Variants in ZBTB8A observed in about 807,000 individuals in gnomAD.
ZBTB8A encodes the protein zinc finger and BTB domain containing 8A.
A neutral mutation model predicts 37.8 loss-of-function variants in ZBTB8A; 19 were observed. The observed-to-expected ratio is 0.50, with a 90% CI of 0.35 to 0.74. The LOEUF (loss-of-function observed/expected upper bound fraction) is 0.74, where lower values mean the gene tolerates loss of function less well. Ranked by LOEUF, ZBTB8A falls within the 30% of genes least tolerant of loss-of-function variation. The pLI, the probability that ZBTB8A is intolerant of heterozygous loss-of-function variation, is 0.01. For missense variants in ZBTB8A, 394 were observed against 537.8 expected, an observed-to-expected ratio of 0.73 and a Z score of 2.65; for synonymous variants, 181 against 185.2, an observed-to-expected ratio of 0.98 and a Z score of 0.19.
At chr1:32,567,306 G>C (rs1457922655) in intron 2 of ZBTB8A, among the ~76,000 whole-genome samples, 1 of 152,138 alleles carries the variant, frequency 6.6e-6, no homozygotes, top group African/African-American at 2.4e-5. Context: ...GCATGATCCA[G>C]TCACATTCCA....
chr1:32,546,611 A>G (rs1456425655), intron 1 of ZBTB8A, among the ~76,000 whole-genome samples: 2 of 152,208 alleles, frequency 1.3e-5, no homozygotes, highest in African/African-American at 2.4e-5. Context: ...ACTGCACTCC[A>G]GGCTGGTGGG....
At chr1:32,596,705 C>T (rs961590173) in intron 4 of ZBTB8A, among the ~76,000 whole-genome samples, 2 of 152,114 alleles carry the variant, frequency 1.3e-5, no homozygotes, top group African/African-American at 4.8e-5. Flanking sequence ...TTACTTTGCA[C>T]GTAAAGCATA....
chr1:32,559,988 T>C (rs993807901), intron 2 of ZBTB8A, among the ~76,000 whole-genome samples: 2 of 152,186 alleles, frequency 1.3e-5, no homozygotes, highest in African/African-American at 4.8e-5. Context: ...CTCACAGTTC[T>C]GCAGGCTGTA....
intron 1 of ZBTB8A, among the ~76,000 whole-genome samples, chr1:32,549,591 A>G (rs1238566889): frequency 6.6e-6 from 1 of 152,104 alleles, no homozygotes; most frequent in Non-Finnish European, 1.5e-5. Context: ...ACTAACTGCT[A>G]TAGGCCATGC....
intron 2 of ZBTB8A, among the ~76,000 whole-genome samples, chr1:32,567,180 A>C (rs1644286263): frequency 6.6e-6 from 1 of 152,128 alleles, no homozygotes; most frequent in South Asian, 2.1e-4. Context: ...AAGCAGGCCC[A>C]TCCTACATGT....
intron 2 of ZBTB8A, among the ~76,000 whole-genome samples, chr1:32,586,478 TAGG>T (rs1165550525): frequency 2.0e-5 from 3 of 152,074 alleles, no homozygotes; most frequent in Admixed American, 1.3e-4. Context: ...TACATTTTAG[TAGG>T]AGAAGACAGA....
At chr1:32,584,787 C>T (rs936438773) in intron 2 of ZBTB8A, among the ~76,000 whole-genome samples, 7 of 150,368 alleles carry the variant, frequency 4.7e-5, no homozygotes, top group East Asian at 2.0e-4. Context: ...CCCAAAGTGC[C>T]GCGATTAGAG....
At chr1:32,550,957 C>CAAA (rs530419945) in intron 1 of ZBTB8A, among the ~76,000 whole-genome samples, 1 of 69,176 alleles carries the variant, frequency 1.4e-5, no homozygotes, top group Admixed American at 1.6e-4. Flanking sequence ...GACTCCGTCT[C>CAAA]AAAAAAAAAA....
At chr1:32,596,348 C>T (rs1205112506) in intron 4 of ZBTB8A, among the ~76,000 whole-genome samples, 17 of 141,634 alleles carry the variant, frequency 1.2e-4, no homozygotes, top group Admixed American at 7.2e-4. Flanking sequence ...CCAGCCTGGG[C>T]GACTGAGCGA....
At chr1:32,560,129 A>G (rs1415090791) in intron 2 of ZBTB8A, among the ~76,000 whole-genome samples, 1 of 152,038 alleles carries the variant, frequency 6.6e-6, no homozygotes, top group Non-Finnish European at 1.5e-5. Flanking sequence ...ATTTTCACAC[A>G]ACCAGATCTC....
chr1:32,544,845 T>C (rs1350188399), intron 1 of ZBTB8A, among the ~76,000 whole-genome samples: 1 of 152,252 alleles, frequency 6.6e-6, no homozygotes, highest in East Asian at 1.9e-4. Context: ...ATTCTTTTTA[T>C]GGCCGAGTTA....
At chr1:32,597,355 T>C (rs756428656) in intron 4 of ZBTB8A, among the ~76,000 whole-genome samples, 3 of 152,210 alleles carry the variant, frequency 2.0e-5, no homozygotes, top group Non-Finnish European at 4.4e-5. Context: ...TGGTTTATTA[T>C]GTTTGGATCC....
At chr1:32,583,181 G>T (rs1644420756) in intron 2 of ZBTB8A, among the ~76,000 whole-genome samples, 1 of 151,768 alleles carries the variant, frequency 6.6e-6, no homozygotes, top group African/African-American at 2.4e-5. Context: ...AGGAGTTTGG[G>T]ACCAGCCTGG....
intron 2 of ZBTB8A, among the ~76,000 whole-genome samples, chr1:32,557,188 GC>G (rs1281004863): frequency 2.0e-5 from 3 of 151,922 alleles, no homozygotes; most frequent in Non-Finnish European, 4.4e-5. Flanking sequence ...TGTAGTCCCA[GC>G]TACTTGGGAA....
intron 2 of ZBTB8A, among the ~76,000 whole-genome samples, chr1:32,570,079 A>G (rs1644313453): frequency 6.6e-6 from 1 of 152,214 alleles, no homozygotes; most frequent in South Asian, 2.1e-4. Flanking sequence ...TGTTGTGTAA[A>G]GTAAGAATCA....
chr1:32,573,429 CTT>C (rs757984632), intron 2 of ZBTB8A, among the ~76,000 whole-genome samples: 1,551 of 148,074 alleles, frequency 0.01, 10 homozygotes, highest in Non-Finnish European at 0.017. Flanking sequence ...GAACTTTCTT[CTT>C]CTTTTTTTTT....
intron 2 of ZBTB8A, among the ~76,000 whole-genome samples, chr1:32,586,335 T>C (rs920601255): frequency 1.3e-5 from 2 of 152,072 alleles, no homozygotes; most frequent in African/African-American, 4.8e-5. Context: ...AAAGAACTAT[T>C]TCCTTATGTG....
At position 32,593,479 on chromosome 1, in the gene ZBTB8A, A is replaced by G. The variant is rs778234649; in HGVS notation, c.548A>G (p.Tyr183Cys). ...ATAAGTGGAAAATCTTGGAATAAGT[A>G]TAATTATCATCCAGCCTCCCAGAAG... is the stretch of plus-strand genomic sequence containing the variant. The part of the protein sequence containing the change: ...GIISGKSWNK[Y>C]NYHPASQKNT... Residue 183 changes from tyrosine to cysteine, a missense_variant, in exon 3 of 5, where the codon TAT (tyrosine) becomes TGT (cysteine). Transcript: ENST00000373510. 59 of 1,614,118 alleles carry G rather than the reference A, an allele frequency of 3.7e-5. No homozygotes were observed. Among genetic ancestry groups the G allele is most frequent in the African/African-American group, 2.1e-4 (16 of 75,072 alleles).
chr1:32,583,530 T>C (rs1644423679), intron 2 of ZBTB8A, among the ~76,000 whole-genome samples: 1 of 152,118 alleles, frequency 6.6e-6, no homozygotes, highest in South Asian at 2.1e-4. Context: ...AGAAATCCAT[T>C]AATGTAATAT....
Sources: allele counts gnomAD v4.1 joint callset (sites outside exome capture counted in the v4.1 genomes callset), GRCh38; gene constraint gnomAD v4.1.1; transcripts MANE v1.5; gene names NCBI Gene and HGNC (gene_info 2026-07-23, HGNC 2026-07-21).